BCAS3: variants seen among roughly 807,000 people sequenced by gnomAD.
BCAS3 encodes BCAS4/BCAS3 fusion.
A neutral mutation model predicts 116.1 loss-of-function variants in BCAS3; 53 were observed. The ratio of observed to expected loss-of-function variants is 0.46; its 90% CI spans 0.37 to 0.57. BCAS3 has a LOEUF of 0.57. Ranked by LOEUF, BCAS3 falls within the 20% of genes least tolerant of loss-of-function variation. The pLI is 0.00. For synonymous variants in BCAS3, 391 were observed against 408.2 expected (o/e 0.96, Z 0.51); for missense variants, 917 against 1,165.4 (o/e 0.79, Z 3.10).
chr17:60,694,152 C>T (rs1489420178), intron 4 of BCAS3, among the ~76,000 whole-genome samples: 1 of 150,194 alleles, frequency 6.7e-6, no homozygotes, highest in Non-Finnish European at 1.5e-5. Context: ...TTCCAAAGTG[C>T]TGGGATTACA....
intron 14 of BCAS3, among the ~76,000 whole-genome samples, chr17:60,983,124 G>A (rs1205714644): frequency 6.6e-6 from 1 of 152,066 alleles, no homozygotes; most frequent in East Asian, 1.9e-4. Context: ...TTGTTACCAC[G>A]GTTGCCTAAT....
chr17:61,198,139 T>G lies in BCAS3; in HGVS notation c.2425+113575T>G. ...AGATAAAGTGCAAGATATGTTTTTT[T>G]TTTTTCTTTTTTTTTTTTTGAGACG... On this transcript the variant is annotated intron_variant, in intron 22 of 23. Transcript: ENST00000407086. The surrounding 1 kb of genome is among the most constrained non-coding windows in gnomAD (Gnocchi z 5.0). Among the ~76,000 whole-genome samples the G allele has an allele frequency of 6.6e-6, 1 of 152,012 alleles. No individual in the cohort carries two copies. Among genetic ancestry groups the G allele is most frequent in the Non-Finnish European group, 1.5e-5 (1 of 68,010 alleles).
Position 61,197,590 on chromosome 17 carries a change from A to T in BCAS3, c.2425+113026A>T, listed in dbSNP as rs114185531. On this transcript the variant is annotated intron_variant, in intron 22 of 23. Coordinates refer to ENST00000407086, the MANE Select transcript of BCAS3 (RefSeq NM_017679.5). Reference sequence around the variant, plus strand: ...GAAGGAACTGTAGTGATCATCTCAGATACCTCCTCTAATGAGTAGTAAAGA... The same window carrying T: ...GAAGGAACTGTAGTGATCATCTCAGTTACCTCCTCTAATGAGTAGTAAAGA... Among the ~76,000 whole-genome samples the T allele has an allele frequency of 8.1e-3, 1,235 of 152,318 alleles. 16 individuals are homozygous for T. The highest frequency in any genetic ancestry group is 0.028 in the African/African-American group (1,165 of 41,558).
Position 61,300,885 on chromosome 17 carries a change from A to G in BCAS3, c.2426-67442A>G, listed in dbSNP as rs1003590580. On this transcript the variant is annotated intron_variant, in intron 22 of 23. Coordinates refer to ENST00000407086, the MANE Select transcript of BCAS3 (RefSeq NM_017679.5). The surrounding 1 kb of genome is among the most constrained non-coding windows in gnomAD (Gnocchi z 5.1). ...CAAACACATATATTTGTGACAGGAC[A>G]TCTTCATCTTAGTGCCACAGACCAC... Among the ~76,000 whole-genome samples, 3 of 152,180 alleles carry G rather than the reference A, an allele frequency of 2.0e-5. No individual in the cohort carries two copies. The highest frequency in any genetic ancestry group is 1.3e-4 in the Admixed American group (2 of 15,280).
chr17:61,138,601 T>G (rs577670914), intron 22 of BCAS3, among the ~76,000 whole-genome samples: 1 of 152,352 alleles, frequency 6.6e-6, no homozygotes, highest in South Asian at 2.1e-4. Flanking sequence ...ATTATCCATT[T>G]AGGGGGCAGT....
intron 8 of BCAS3, among the ~76,000 whole-genome samples, chr17:60,873,969 GCTGGGAT>G (rs937100613): frequency 6.7e-5 from 10 of 148,814 alleles, no homozygotes; most frequent in Non-Finnish European, 3.0e-5. Context: ...CTCTTGAGTA[GCTGGGAT>G]TACGGGTGTG....
At chr17:60,930,315 G>A (rs2059579273) in intron 13 of BCAS3, among the ~76,000 whole-genome samples, 1 of 152,086 alleles carries the variant, frequency 6.6e-6, no homozygotes, top group Non-Finnish European at 1.5e-5. Context: ...ACTAGTTTAG[G>A]GAAGTTTATG....
Position 61,378,921 on chromosome 17 carries a change from C to G in BCAS3, c.2593+10427C>G, listed in dbSNP as rs2059466438. ...TCTCCTCTGCATATTTCTTAGTTGT[C>G]TAAAGTGACTTTTCAACTCTTTCAC... is the stretch of plus-strand genomic sequence containing the variant. On this transcript the variant is annotated intron_variant, in intron 23 of 23. Coordinates refer to ENST00000407086, the MANE Select transcript of BCAS3 (RefSeq NM_017679.5). This position sits in a 1 kb window ranked among gnomAD's most constrained non-coding sequence, Gnocchi z 5.8. 1 of 152,244 alleles carries G rather than the reference C, an allele frequency of 6.6e-6. No individual in the cohort carries two copies. Among genetic ancestry groups the G allele is most frequent in the South Asian group, 2.1e-4 (1 of 4,836 alleles). The allele number at this position is 152,244 out of a possible 1,614,324, so 9.4% of individuals were successfully genotyped here.
rs2058826050 is a variant in BCAS3 at position 61,367,910 on chromosome 17, T to A, written c.2426-417T>A. The A allele has an allele frequency of 6.5e-6, 1 of 154,588 alleles. No homozygotes were observed. The highest frequency in any genetic ancestry group is 2.4e-5 in the African/African-American group (1 of 41,534). The allele number at this position is 154,588 out of a possible 1,614,324, so 9.6% of individuals were successfully genotyped here. Reference sequence around the variant, plus strand: ...ATCTTCCCGCGTTGGCCTCTCAAAGTGTTGGGATTGCAGGTGTAAGGCACC... The same window carrying A: ...ATCTTCCCGCGTTGGCCTCTCAAAGAGTTGGGATTGCAGGTGTAAGGCACC... On this transcript the variant is annotated intron_variant, in intron 22 of 23. Transcript: ENST00000407086. The surrounding 1 kb of genome is among the most constrained non-coding windows in gnomAD (Gnocchi z 6.2).
At chr17:60,678,809 A>G (rs2032472782) in intron 1 of BCAS3, among the ~76,000 whole-genome samples, 1 of 152,222 alleles carries the variant, frequency 6.6e-6, no homozygotes, top group Non-Finnish European at 1.5e-5. Context: ...ATAAAATTGC[A>G]GTAAATTCCC....
intron 19 of BCAS3, among the ~76,000 whole-genome samples, chr17:61,074,623 A>G (rs552302168): frequency 6.6e-6 from 1 of 152,146 alleles, no homozygotes; most frequent in Non-Finnish European, 1.5e-5. Context: ...TCATCCCCCA[A>G]TGAATAGATT....
In BCAS3 at chr17:61,315,654, G is replaced by A. The variant is rs1445235680; in HGVS notation, c.2426-52673G>A. Reference sequence around the variant, plus strand: ...CTCTACAGCCTCAGCCTCACCCATCGATGCTTCCCCATGTGGGTCCTGGAA... The same window carrying A: ...CTCTACAGCCTCAGCCTCACCCATCAATGCTTCCCCATGTGGGTCCTGGAA... On this transcript the variant is annotated intron_variant, in intron 22 of 23. Coordinates refer to ENST00000407086, the MANE Select transcript of BCAS3 (RefSeq NM_017679.5). The surrounding 1 kb of genome is among the most constrained non-coding windows in gnomAD (Gnocchi z 5.3). 2.0e-5 allele frequency among the ~76,000 whole-genome samples: 3 copies of A among 152,094 alleles called. No individual in the cohort carries two copies. The highest frequency in any genetic ancestry group is 4.8e-5 in the African/African-American group (2 of 41,428).
At chr17:60,904,246 A>T (rs998893055) in intron 11 of BCAS3, among the ~76,000 whole-genome samples, 3 of 152,056 alleles carry the variant, frequency 2.0e-5, no homozygotes, top group African/African-American at 2.4e-5. Flanking sequence ...TCTACTAAAA[A>T]TACAAATATT....
chr17:60,724,986 G>A (rs1004881601), intron 5 of BCAS3, among the ~76,000 whole-genome samples: 2 of 152,032 alleles, frequency 1.3e-5, no homozygotes, highest in Non-Finnish European at 2.9e-5. Flanking sequence ...TGAGCAACTA[G>A]TACTATAAGC....
chr17:61,117,019 T>A (rs1358656235), intron 22 of BCAS3, among the ~76,000 whole-genome samples: 2 of 152,314 alleles, frequency 1.3e-5, no homozygotes, highest in East Asian at 3.9e-4. Context: ...TTCTTTAATG[T>A]GTCAATTTAT....
At chr17:60,981,086 T>C (rs1167355375) in intron 14 of BCAS3, among the ~76,000 whole-genome samples, 2 of 151,840 alleles carry the variant, frequency 1.3e-5, no homozygotes, top group Non-Finnish European at 1.5e-5. Context: ...TCCTCCCACT[T>C]CCCCCTCCCA....
chr17:61,249,756 C>T lies in BCAS3; in HGVS notation c.2426-118571C>T, dbSNP rs2048231691. ...GGATGTTTAAGTAGCTGCTCTCTGC[C>T]CATTATTTTGATAATTACTACACCT... On this transcript the variant is annotated intron_variant, in intron 22 of 23. Transcript: ENST00000407086. The surrounding 1 kb of genome is among the most constrained non-coding windows in gnomAD (Gnocchi z 6.2). 6.6e-6 allele frequency among the ~76,000 whole-genome samples: 1 copy of T among 151,690 alleles called. No individual in the cohort carries two copies.
chr17:61,045,887 TATATATA>T (rs1268290328), intron 19 of BCAS3, among the ~76,000 whole-genome samples: 1 of 36,812 alleles, frequency 2.7e-5, no homozygotes, highest in Admixed American at 5.5e-4. Context: ...ATATATATTA[TATATATA>T]ATATATATAA....
chr17:60,755,460 A>G (rs2042908660), intron 6 of BCAS3, among the ~76,000 whole-genome samples: 1 of 152,160 alleles, frequency 6.6e-6, no homozygotes, highest in Non-Finnish European at 1.5e-5. Context: ...TGTAATATCA[A>G]TTATTATTTG....
Sources: gnomAD v4.1 joint callset for allele counts (sites outside exome capture counted in the v4.1 genomes callset) on GRCh38, gnomAD v4.1.1 for gene constraint, Gnocchi (gnomAD v3.1) non-coding constraint, MANE v1.5 for transcripts, NCBI Gene and HGNC (gene_info 2026-07-23, HGNC 2026-07-21) for gene names.